The following AKAP12 variants were observed in gnomAD, a reference collection of about 807,000 sequenced individuals.
AKAP12 encodes A-kinase anchor protein 12.
AKAP12 carries 32 observed loss-of-function variants against 79.9 expected under a neutral mutation model. The ratio of observed to expected loss-of-function variants is 0.40; its 90% CI spans 0.30 to 0.54. The LOEUF is 0.54. Ranked by LOEUF, AKAP12 falls within the 20% of genes least tolerant of loss-of-function variation. The probability of loss-of-function intolerance (pLI) is 0.48; values close to 1 mark genes in which losing one functional copy is unlikely to be tolerated. For missense variants in AKAP12, 2,074 were observed against 2,177.0 expected (o/e 0.95, Z 0.94); for synonymous variants, 808 against 857.0 (o/e 0.94, Z 1.00).
chr6:151,318,261 T>G (rs1777279499), intron 3 of AKAP12, among the ~76,000 whole-genome samples: 1 of 152,218 alleles, frequency 6.6e-6, no homozygotes, highest in South Asian at 2.1e-4. Flanking sequence ...ACTTTCAGCC[T>G]GCAGGATTGT....
intron 3 of AKAP12, among the ~76,000 whole-genome samples, chr6:151,313,309 A>G (rs1777160394): frequency 6.6e-6 from 1 of 152,206 alleles, no homozygotes; most frequent in South Asian, 2.1e-4. Context: ...GTCCCCTTGC[A>G]CACACTTTGG....
intron 3 of AKAP12, among the ~76,000 whole-genome samples, chr6:151,338,488 C>T (rs1167565397): frequency 6.7e-6 from 1 of 148,548 alleles, no homozygotes; most frequent in Non-Finnish European, 1.5e-5. Context: ...TGGAGTCTTG[C>T]TCTGTTGCCC....
chr6:151,307,040 A>G (rs993212599), intron 3 of AKAP12, among the ~76,000 whole-genome samples: 9 of 152,200 alleles, frequency 5.9e-5, no homozygotes, highest in African/African-American at 2.2e-4. Context: ...CTACCAAATG[A>G]ATTGTGCAAG....
At chr6:151,298,876 T>C (rs1776795384) in intron 2 of AKAP12, 1 of 152,128 alleles carries the variant, frequency 6.6e-6, no homozygotes, top group African/African-American at 2.4e-5. Context: ...TAGGGTTGTA[T>C]ACCGACTTTA....
chr6:151,341,896 C>A (rs1248744319), intron 3 of AKAP12: 1 of 894,600 alleles, frequency 1.1e-6, no homozygotes, highest in Non-Finnish European at 1.5e-6. Flanking sequence ...CCCGTGGCAT[C>A]CCAGCCCAGG....
At chr6:151,294,779 A>G (rs1776689806) in intron 2 of AKAP12, among the ~76,000 whole-genome samples, 1 of 152,238 alleles carries the variant, frequency 6.6e-6, no homozygotes, top group Non-Finnish European at 1.5e-5. Flanking sequence ...ACTTTTAAAA[A>G]CAACTATAAC....
chr6:151,323,867 A>C, intron 3 of AKAP12: 1 of 985,396 alleles, frequency 1.0e-6, no homozygotes, highest in East Asian at 1.1e-4. Flanking sequence ...GTCCCCAACC[A>C]CTGGTGCTGA....
chr6:151,261,342 G>GC (rs1199534657), intron 2 of AKAP12, among the ~76,000 whole-genome samples: 7 of 151,788 alleles, frequency 4.6e-5, no homozygotes, highest in Non-Finnish European at 7.4e-5. Context: ...CTGCACTACA[G>GC]CCTGGATGAC....
At chr6:151,250,965 G>A (rs1006308153) in intron 2 of AKAP12, among the ~76,000 whole-genome samples, 1 of 152,120 alleles carries the variant, frequency 6.6e-6, no homozygotes, top group African/African-American at 2.4e-5. Context: ...GGGAGATAAA[G>A]AAATAAAAAC....
rs1467500221 is a variant in AKAP12 at position 151,353,680 on chromosome 6, A to G, written c.5289A>G (p.Ala1763=). The stretch of plus-strand genomic sequence containing the variant: ...CAGATAAAGCGATCACACCCCAAGC[A>G]CAGGAGGAGTTACAGAAACAAGAGA... ...SESDKAITPQ[A]QEELQKQERE... The change falls in exon 4 of 5, where the codon GCA becomes GCG. Residue 1763 remains alanine (A), a synonymous_variant. Coordinates refer to ENST00000402676, the MANE Select transcript of AKAP12 (RefSeq NM_005100.4). 28 of 1,611,980 alleles carry G rather than the reference A, an allele frequency of 1.7e-5. No homozygotes were observed. The highest frequency in any genetic ancestry group is 2.4e-5 in the Non-Finnish European group (28 of 1,179,448).
At chr6:151,240,770 G>C (rs1456417139) in intron 2 of AKAP12, 46 bp downstream of exon 2, 24 of 1,130,592 alleles carry the variant, frequency 2.1e-5, no homozygotes, top group Middle Eastern at 3.3e-4. Flanking sequence ...CGGGTCTTTG[G>C]GGGTGGGGGT....
At position 151,349,782 on chromosome 6, in the gene AKAP12, T is replaced by C. The variant is rs1290053993; in HGVS notation, c.1391T>C (p.Val464Ala). Residue 464 changes from valine (V) to alanine (A), a missense_variant, in exon 4 of 5, where the codon GTG becomes GCG. This residue lies in a region of AKAP12 where 1,428 missense variants were observed against 1,451.0 expected (regional missense o/e 0.98). Coordinates refer to ENST00000402676, the MANE Select transcript of AKAP12 (RefSeq NM_005100.4). Reference sequence around the variant, plus strand: ...GAAGCTGAACCTGCCAAGGAGCTGGTGAAGCTCAAAGAAACGTGTGTTTCC... The same window carrying C: ...GAAGCTGAACCTGCCAAGGAGCTGGCGAAGCTCAAAGAAACGTGTGTTTCC... ...PQEAEPAKEL[V>A]KLKETCVSGE... 2 of 1,613,796 alleles carry C rather than the reference T, an allele frequency of 1.2e-6. No individual in the cohort carries two copies. The highest frequency in any genetic ancestry group is 8.5e-7 in the Non-Finnish European group (1 of 1,179,972).
At chr6:151,324,795 A>T (rs1777482623) in intron 3 of AKAP12, 1 of 985,452 alleles carries the variant, frequency 1.0e-6, no homozygotes, top group African/African-American at 1.7e-5. Flanking sequence ...AGACCACACC[A>T]ACTCATTCGT....
intron 2 of AKAP12, among the ~76,000 whole-genome samples, chr6:151,274,166 G>A (rs528640583): frequency 2.1e-4 from 32 of 152,088 alleles, no homozygotes; most frequent in African/African-American, 7.2e-4. Context: ...CTGCCTCTTG[G>A]GCTTAGGCAA....
chr6:151,328,196 C>T lies in AKAP12; in HGVS notation c.320-20515C>T, dbSNP rs567940036. Among the ~76,000 whole-genome samples the T allele has an allele frequency of 5.3e-5, 8 of 151,340 alleles. No individual in the cohort carries two copies. In the South Asian group the frequency reaches 8.3e-4, roughly 16 times the overall value. ...CAAAAAAATTAGCCGGGTGTGGTGG[C>T]GGGTGCCTGTAGTCCCAGCTACTTG... On this transcript the variant is annotated intron_variant, in intron 3 of 4. Coordinates refer to ENST00000402676, the MANE Select transcript of AKAP12 (RefSeq NM_005100.4).
rs754662725 is a variant in AKAP12, at chr6:151,350,469, G to A, written c.2078G>A (p.Arg693Lys). 2.5e-6 allele frequency: 4 copies of A among 1,614,024 alleles called. No individual in the cohort carries two copies. In the Admixed American group the frequency reaches 6.7e-5, roughly 27 times the overall value. ...GTGGGATCATCCAAGAAAAGAGCAA[G>A]GAGAGGGTCCTCTTCTGATGAGGAA... is the stretch of plus-strand genomic sequence containing the variant. ...ICVGSSKKRA[R>K]RGSSSDEEGG... The change falls in exon 4 of 5, where the codon AGG becomes AAG. Residue 693 changes from arginine (R) to lysine (K), a missense_variant. By Grantham distance (26) the Arg-to-Lys change is conservative. Coordinates refer to ENST00000402676, the MANE Select transcript of AKAP12 (RefSeq NM_005100.4). The surrounding 1 kb of genome is among the most constrained non-coding windows in gnomAD (Gnocchi z 4.8).
At chr6:151,284,592 C>T (rs1253453708) in intron 2 of AKAP12, among the ~76,000 whole-genome samples, 1 of 152,180 alleles carries the variant, frequency 6.6e-6, no homozygotes, top group African/African-American at 2.4e-5. Context: ...TGAGCTACTG[C>T]ACTCCAGTCT....
At chr6:151,240,759 G>A in intron 2 of AKAP12, 35 bp downstream of exon 2, 1 of 1,226,352 alleles carries the variant, frequency 8.2e-7, no homozygotes, top group Non-Finnish European at 1.0e-6. Flanking sequence ...GCCGGGAGGC[G>A]CGGGTCTTTG....
chr6:151,301,414 G>T lies in AKAP12; in HGVS notation c.163-4333G>T, dbSNP rs147653497. Among the ~76,000 whole-genome samples the T allele has an allele frequency of 1.7e-4, 26 of 152,272 alleles. 1 individual carries two copies. The highest frequency in any genetic ancestry group is 7.2e-4 in the Admixed American group (11 of 15,288). On this transcript the variant is annotated intron_variant, in intron 2 of 4. Transcript: ENST00000402676. ...ATACACACGTAGAAAACACAGAAAA[G>T]ACTTAAATGAATGTAGGTTTGATTT...
Sources: gnomAD v4.1 joint callset for allele counts (sites outside exome capture counted in the v4.1 genomes callset) on GRCh38, gnomAD v4.1.1 for gene constraint, gnomAD v4.1.1 regional missense constraint, Gnocchi (gnomAD v3.1) non-coding constraint, MANE v1.5 for transcripts, NCBI Gene and HGNC (gene_info 2026-07-23, HGNC 2026-07-21) for gene names.